The following SLC20A2 variants were observed in gnomAD, a reference collection of about 807,000 sequenced individuals.
The protein encoded by SLC20A2 is solute carrier family 20 member 2, also known as sodium-dependent phosphate transporter 2.
SLC20A2 carries 30 observed loss-of-function variants against 61.0 expected under a neutral mutation model. The ratio of observed to expected loss-of-function variants is 0.49; its 90% CI spans 0.37 to 0.67. The LOEUF (loss-of-function observed/expected upper bound fraction) is 0.67, where lower values mean the gene tolerates loss of function less well. SLC20A2 is among the 30% of genes least tolerant of loss of function. The pLI is 0.00. For synonymous variants in SLC20A2, 351 were observed against 353.3 expected (o/e 0.99, Z 0.07); for missense variants, 626 against 866.4 (o/e 0.72, Z 3.48).
rs138052637 is a variant in SLC20A2 at position 42,430,178 on chromosome 8, G to A, written c.1595C>T (p.Thr532Ile). The change falls in exon 9 of 11, where the codon ACA becomes ATA. Residue 532 changes from threonine to isoleucine, a missense_variant. This residue lies in a region of SLC20A2 where 138 missense variants were observed against 228.7 expected (regional missense o/e 0.60). Coordinates refer to ENST00000520262, the MANE Select transcript of SLC20A2 (RefSeq NM_001257180.2). The stretch of plus-strand genomic sequence containing the variant: ...TCCATAAAACAGCAGCCAGACGGGT[G>A]TAGCTGCTTCTTGCGTTACCCCGCC... ...KQGGVTQEAA[T>I]PVWLLFYGGV... The A allele has an allele frequency of 4.2e-4, 677 of 1,613,950 alleles. No individual in the cohort carries two copies. The highest frequency in any genetic ancestry group is 5.6e-4 in the Non-Finnish European group (663 of 1,179,960).
intron 10 of SLC20A2, among the ~76,000 whole-genome samples, chr8:42,421,220 G>C (rs1160520898): frequency 6.6e-6 from 1 of 151,976 alleles, no homozygotes; most frequent in East Asian, 1.9e-4. Context: ...TTTAGAGATG[G>C]GGTCTTACTA....
intron 1 of SLC20A2, among the ~76,000 whole-genome samples, chr8:42,522,288 G>A (rs1489531479): frequency 1.6e-5 from 2 of 122,030 alleles, no homozygotes; most frequent in African/African-American, 5.1e-5. Flanking sequence ...GACACCGAAG[G>A]ATGGAGAAGA....
chr8:42,499,203 C>A (rs1205331906), intron 1 of SLC20A2, among the ~76,000 whole-genome samples: 2 of 152,088 alleles, frequency 1.3e-5, no homozygotes, highest in Admixed American at 6.5e-5. Context: ...ACAAAGCTGC[C>A]CTGTTTCTCC....
intron 5 of SLC20A2, 27 bp from the exon 6 acceptor site, chr8:42,444,789 C>T (rs1372577602): frequency 6.3e-7 from 1 of 1,577,568 alleles, no homozygotes; most frequent in Admixed American, 1.7e-5. Context: ...GAAGCAGTGT[C>T]ATTACTGGAA....
intron 1 of SLC20A2, among the ~76,000 whole-genome samples, chr8:42,515,495 C>T (rs966651216): frequency 2.0e-5 from 3 of 152,076 alleles, no homozygotes; most frequent in Non-Finnish European, 4.4e-5. Flanking sequence ...TCTCCAGGTG[C>T]CGGCGCTGTG....
At chr8:42,429,357 G>C (rs1040441501) in intron 9 of SLC20A2, among the ~76,000 whole-genome samples, 1 of 152,070 alleles carries the variant, frequency 6.6e-6, no homozygotes, top group Non-Finnish European at 1.5e-5. Flanking sequence ...CTGCAGATGC[G>C]GGGCAGAGCT....
Position 42,465,767 on chromosome 8 carries a change from T to G in SLC20A2, c.430+10A>C. On this transcript the variant is annotated intron_variant, in intron 3 of 10. Transcript: ENST00000520262. The stretch of plus-strand genomic sequence containing the variant: ...TTTCCTTCTTATGGGTAAAAGAAAA[T>G]GCCAATTACCAATCTTGACAAGCTC... The G allele has an allele frequency of 2.6e-6, 4 of 1,566,138 alleles. No individual in the cohort carries two copies. Among genetic ancestry groups the G allele is most frequent in the Non-Finnish European group, 3.4e-6 (4 of 1,162,512 alleles).
At chr8:42,491,555 C>T (rs1460976518) in intron 1 of SLC20A2, among the ~76,000 whole-genome samples, 1 of 151,792 alleles carries the variant, frequency 6.6e-6, no homozygotes, top group Non-Finnish European at 1.5e-5. Context: ...CCTGTAATCC[C>T]ACCTATTTGG....
intron 5 of SLC20A2, among the ~76,000 whole-genome samples, chr8:42,458,113 T>C (rs1380208834): frequency 6.6e-6 from 1 of 152,012 alleles, no homozygotes; most frequent in Non-Finnish European, 1.5e-5. Context: ...TAACAGACAT[T>C]AAGAAGATGA....
chr8:42,476,203 T>C (rs1340854598), intron 1 of SLC20A2, among the ~76,000 whole-genome samples: 1 of 148,202 alleles, frequency 6.7e-6, no homozygotes, highest in Non-Finnish European at 1.5e-5. Flanking sequence ...TTCACGCCAT[T>C]CTCCTGCCTC....
At chr8:42,527,976 T>C (rs1271080285) in intron 1 of SLC20A2, among the ~76,000 whole-genome samples, 5 of 152,206 alleles carry the variant, frequency 3.3e-5, no homozygotes, top group Non-Finnish European at 5.9e-5. Flanking sequence ...CTCTGGGTGG[T>C]AGAACTACTA....
rs370739813 is a variant in SLC20A2, at chr8:42,422,044, G to A, written c.1795-4077C>T. Among the ~76,000 whole-genome samples, 37 of 152,184 alleles carry A rather than the reference G, an allele frequency of 2.4e-4. 1 individual carries two copies. The East Asian group carries it at 7.0e-3, about 29-fold the overall frequency. ...CTTGATCAATTTGGTCCTGCTGAAA[G>A]GTTCTTGTATAGTATTGTTTTGTTT... On this transcript the variant is annotated intron_variant, in intron 10 of 10. Transcript: ENST00000520262.
chr8:42,504,190 C>T (rs1810496077), upstream of SLC20A2, among the ~76,000 whole-genome samples: 1 of 152,222 alleles, frequency 6.6e-6, no homozygotes, highest in Non-Finnish European at 1.5e-5. Flanking sequence ...ATTCTTCCAC[C>T]TCAGCCTCCC....
chr8:42,419,816 T>C (rs1315244120), intron 10 of SLC20A2: 1 of 198,412 alleles, frequency 5.0e-6, no homozygotes, highest in Non-Finnish European at 9.1e-6. Context: ...CTGTTTTAAT[T>C]TGCGTATCTT....
chr8:42,442,340 G>A (rs143746430), intron 6 of SLC20A2, among the ~76,000 whole-genome samples: 21 of 151,968 alleles, frequency 1.4e-4, no homozygotes, highest in African/African-American at 5.1e-4. Context: ...AAGTCTTATT[G>A]TTTTTTAAAT....
intron 5 of SLC20A2, among the ~76,000 whole-genome samples, chr8:42,445,152 C>T (rs989951593): frequency 8.6e-5 from 13 of 151,790 alleles, no homozygotes; most frequent in Admixed American, 3.3e-4. Flanking sequence ...ATTAGCTGGG[C>T]GTGGTGGCGC....
intron 10 of SLC20A2, among the ~76,000 whole-genome samples, chr8:42,425,601 C>CT (rs1294301760): frequency 1.3e-5 from 2 of 152,176 alleles, no homozygotes; most frequent in East Asian, 3.8e-4. Context: ...CAGAAGTCCA[C>CT]GATCAATGAT....
chr8:42,476,061 T>TGAAGTAGCC (rs1355646745), intron 1 of SLC20A2, among the ~76,000 whole-genome samples: 1 of 142,994 alleles, frequency 7.0e-6, no homozygotes, highest in East Asian at 2.2e-4. Flanking sequence ...TTTGATTGGG[T>TGAAGTAGCC]GAAGTAGCCG....
At chr8:42,540,812 A>C (rs576219967) in intron 1 of SLC20A2, 1 of 152,228 alleles carries the variant, frequency 6.6e-6, no homozygotes, top group Admixed American at 6.5e-5. Context: ...TCACTTCCAT[A>C]CTGATGCTGA....
Sources: allele counts gnomAD v4.1 joint callset (sites outside exome capture counted in the v4.1 genomes callset), GRCh38; gene constraint gnomAD v4.1.1; regional missense constraint gnomAD v4.1.1; transcripts MANE v1.5; gene names NCBI Gene and HGNC (gene_info 2026-07-23, HGNC 2026-07-21).